The following FMN2 variants were observed in gnomAD, a reference collection of about 807,000 sequenced individuals.
FMN2 encodes formin 2.
A neutral mutation model predicts 142.3 loss-of-function variants in FMN2; 51 were observed. The observed-to-expected ratio is 0.36, with a 90% CI of 0.29 to 0.45. FMN2 has a LOEUF of 0.45. Among genes scored for constraint, FMN2 ranks in the 20% least tolerant of loss-of-function variants. The pLI, the probability that FMN2 is intolerant of heterozygous loss-of-function variation, is 1.00. For synonymous variants in FMN2, 882 were observed against 869.8 expected (o/e 1.01, Z -0.25); for missense variants, 1,936 against 2,122.8 (o/e 0.91, Z 1.73).
intron 2 of FMN2, among the ~76,000 whole-genome samples, chr1:240,162,005 A>T (rs1245504207): frequency 6.6e-6 from 1 of 151,980 alleles, no homozygotes; most frequent in South Asian, 2.1e-4. Flanking sequence ...TGTGGCTCAC[A>T]CATGTAATCC....
intron 16 of FMN2, among the ~76,000 whole-genome samples, chr1:240,446,578 G>A (rs1174327240): frequency 6.6e-6 from 1 of 152,048 alleles, no homozygotes; most frequent in East Asian, 1.9e-4. Flanking sequence ...TGGCTTATGT[G>A]GGCCGAAAAC....
chr1:240,268,868 T>A (rs1558403163), intron 7 of FMN2, among the ~76,000 whole-genome samples: 2 of 152,038 alleles, frequency 1.3e-5, no homozygotes, highest in Non-Finnish European at 2.9e-5. Flanking sequence ...TCTGTTCAGA[T>A]CCTTTGCCCA....
intron 5 of FMN2, 101 bp from the exon 6 acceptor site, chr1:240,210,989 TC>T: frequency 9.5e-7 from 1 of 1,047,732 alleles, no homozygotes. Context: ...CCTCCTTCCC[TC>T]CTGCTGGCCT....
At chr1:240,142,173 G>T (rs1467105519) in intron 2 of FMN2, among the ~76,000 whole-genome samples, 2 of 152,082 alleles carry the variant, frequency 1.3e-5, no homozygotes, top group African/African-American at 2.4e-5. Flanking sequence ...CGGCTTCATT[G>T]TCATCAGTGT....
rs780415159 is a variant in FMN2, at chr1:240,208,513, C to A, written c.3701C>A (p.Pro1234Gln). ...CCTCCACCTGGGACAGGAATCCCAC[C>A]GCCCCCTCTGCTTCCTGTATCAGGC... ...PLPPPGTGIPPPPLLPVSGPP... is the reference protein window; with the variant it reads ...PLPPPGTGIPQPPLLPVSGPP... The change falls in exon 5 of 18, where the codon CCG becomes CAG. Residue 1234 changes from proline (P) to glutamine (Q), a missense_variant. Coordinates refer to ENST00000319653, the MANE Select transcript of FMN2 (RefSeq NM_020066.5). 1.2e-6 allele frequency: 2 copies of A among 1,612,430 alleles called. No individual in the cohort carries two copies. The highest frequency in any genetic ancestry group is 2.2e-5 in the East Asian group (1 of 44,726).
intron 15 of FMN2, among the ~76,000 whole-genome samples, chr1:240,434,484 T>A (rs985695613): frequency 3.3e-5 from 5 of 152,200 alleles, no homozygotes; most frequent in African/African-American, 1.2e-4. Flanking sequence ...GCATAAAAGA[T>A]ACCTTGATAA....
intron 13 of FMN2, among the ~76,000 whole-genome samples, chr1:240,344,635 A>C: frequency 6.6e-6 from 1 of 152,190 alleles, no homozygotes; most frequent in East Asian, 1.9e-4. Context: ...AAAATTTTTC[A>C]AATCATTCAA....
chr1:240,250,681 G>A (rs760772467), intron 6 of FMN2, among the ~76,000 whole-genome samples: 3 of 151,934 alleles, frequency 2.0e-5, no homozygotes, highest in South Asian at 4.1e-4. Context: ...TTCTTTGTAC[G>A]TTTTGTAGAA....
chr1:240,424,727 G>A (rs976282960), intron 15 of FMN2, among the ~76,000 whole-genome samples: 5 of 152,118 alleles, frequency 3.3e-5, no homozygotes, highest in African/African-American at 1.2e-4. Context: ...TATAAATGGG[G>A]AACAAAGCTC....
rs993414803 is a variant in FMN2 at position 240,429,016 on chromosome 1, T to A, written c.4911-9045T>A. ...AAATTTCTCTTTGATTTAAAAACTT[T>A]TCCTTATTTTATTTCTGTTTTCATT... On this transcript the variant is annotated intron_variant, in intron 15 of 17. Coordinates refer to ENST00000319653, the MANE Select transcript of FMN2 (RefSeq NM_020066.5). Among the ~76,000 whole-genome samples, 10 of 152,150 alleles carry A rather than the reference T, an allele frequency of 6.6e-5. No homozygotes were observed. The East Asian group carries it at 1.9e-3, about 29-fold the overall frequency.
intron 15 of FMN2, among the ~76,000 whole-genome samples, chr1:240,421,114 C>G (rs938866698): frequency 6.6e-6 from 1 of 152,124 alleles, no homozygotes; most frequent in Admixed American, 6.6e-5. Flanking sequence ...GCACTTGTAT[C>G]AGTATTCTTG....
At chr1:240,361,185 A>ATATATATATATATAT (rs1558452732) in intron 14 of FMN2, among the ~76,000 whole-genome samples, 9 of 106,680 alleles carry the variant, frequency 8.4e-5, no homozygotes, top group South Asian at 2.5e-4. Flanking sequence ...ATATATATAT[A>ATATATATATATATAT]AAAGAGTTTA....
chr1:240,122,221 G>T (rs1038292859), intron 1 of FMN2, among the ~76,000 whole-genome samples: 4 of 151,562 alleles, frequency 2.6e-5, no homozygotes, highest in African/African-American at 9.7e-5. Context: ...CTGAGTAGCT[G>T]GGATTATAGG....
At chr1:240,164,355 GTTATT>G (rs1363944609) in intron 2 of FMN2, among the ~76,000 whole-genome samples, 2 of 152,160 alleles carry the variant, frequency 1.3e-5, no homozygotes, top group Middle Eastern at 3.4e-3. Flanking sequence ...GTTACACATT[GTTATT>G]TTATTTTAAT....
At chr1:240,093,788 C>T in intron 1 of FMN2, 64 bp downstream of exon 1, 1 of 1,154,694 alleles carries the variant, frequency 8.7e-7, no homozygotes, top group Non-Finnish European at 1.1e-6. Context: ...CCTTCCCCTG[C>T]CACCCGCCCT....
At chr1:240,234,913 G>A (rs1301471931) in intron 6 of FMN2, among the ~76,000 whole-genome samples, 2 of 152,058 alleles carry the variant, frequency 1.3e-5, no homozygotes, top group Admixed American at 6.6e-5. Flanking sequence ...ATGTTTGTAA[G>A]AGGAATGAGT....
At chr1:240,157,354 C>T (rs1462940997) in intron 2 of FMN2, among the ~76,000 whole-genome samples, 2 of 152,192 alleles carry the variant, frequency 1.3e-5, no homozygotes, top group African/African-American at 4.8e-5. Context: ...TAAAACCGTG[C>T]TTTCCTAGTC....
At chr1:240,318,383 A>C (rs1670859139) in intron 8 of FMN2, among the ~76,000 whole-genome samples, 1 of 152,080 alleles carries the variant, frequency 6.6e-6, no homozygotes, top group African/African-American at 2.4e-5. Flanking sequence ...CTTTGTCTGG[A>C]GGAAGGAAAC....
chr1:240,245,906 C>T (rs1450780540), intron 6 of FMN2, among the ~76,000 whole-genome samples: 1 of 152,114 alleles, frequency 6.6e-6, no homozygotes, highest in African/African-American at 2.4e-5. Flanking sequence ...GCCAGCCAGG[C>T]ACAGTGGCTT....
Sources: gnomAD v4.1 joint callset for allele counts (sites outside exome capture counted in the v4.1 genomes callset) on GRCh38, gnomAD v4.1.1 for gene constraint, MANE v1.5 for transcripts, NCBI Gene and HGNC (gene_info 2026-07-23, HGNC 2026-07-21) for gene names.